Variants in ASIC2 observed in about 807,000 individuals in gnomAD.
The protein encoded by ASIC2 is acid-sensing ion channel 2.
Under a neutral mutation model 57.3 loss-of-function variants are expected in ASIC2, and 25 were observed. That is an observed-to-expected ratio of 0.44 (90% CI 0.32 to 0.61). ASIC2 has a LOEUF of 0.61. ASIC2 is among the 20% of genes least tolerant of loss of function. The probability of loss-of-function intolerance (pLI) is 0.06; values close to 1 mark genes in which losing one functional copy is unlikely to be tolerated. For synonymous variants in ASIC2, 319 were observed against 307.5 expected (o/e 1.04, Z -0.39); for missense variants, 641 against 738.1 (o/e 0.87, Z 1.52).
At chr17:33,888,994 C>T (rs8069604) in intron 1 of ASIC2, among the ~76,000 whole-genome samples, 25,894 of 152,054 alleles carry the variant, frequency 0.17, 2,342 homozygotes, top group African/African-American at 0.24. Context: ...TAAGAAGAGA[C>T]TCAGCAACTG....
Position 33,138,465 on chromosome 17 carries a change from A to G in ASIC2, c.709-26398T>C, listed in dbSNP as rs771662394. Among the ~76,000 whole-genome samples, 78 of 152,356 alleles carry G rather than the reference A, an allele frequency of 5.1e-4. 1 individual carries two copies. The highest frequency in any genetic ancestry group is 1.5e-3 in the Admixed American group (23 of 15,306). ...GCAATTTAAGAGCAGGGCATGAATC[A>G]GAACACACATCCCTTGCTCACTATT... On this transcript the variant is annotated intron_variant, in intron 1 of 9. Coordinates refer to ENST00000225823, the MANE Select transcript of ASIC2 (RefSeq NM_183377.2).
chr17:33,170,146 T>A (rs1254058928), intron 1 of ASIC2, among the ~76,000 whole-genome samples: 1 of 152,232 alleles, frequency 6.6e-6, no homozygotes, highest in Non-Finnish European at 1.5e-5. Flanking sequence ...GCCATCCTTT[T>A]GGTAAATTTT....
chr17:33,952,113 A>G (rs1567766877), intron 1 of ASIC2, among the ~76,000 whole-genome samples: 1 of 152,230 alleles, frequency 6.6e-6, no homozygotes, highest in Non-Finnish European at 1.5e-5. Context: ...ATTGCTTTCA[A>G]CTGGGAGAGA....
At chr17:33,781,435 A>T (rs1266522414) in intron 1 of ASIC2, among the ~76,000 whole-genome samples, 1 of 152,176 alleles carries the variant, frequency 6.6e-6, no homozygotes, top group Non-Finnish European at 1.5e-5. Flanking sequence ...ACAGCGCAGG[A>T]TGATGGAGTG....
At chr17:33,339,807 G>A (rs531719011) in intron 1 of ASIC2, among the ~76,000 whole-genome samples, 27 of 152,252 alleles carry the variant, frequency 1.8e-4, no homozygotes, top group African/African-American at 2.9e-4. Flanking sequence ...CTTTTTAGTT[G>A]CAGCAAAAAG....
chr17:33,925,054 G>T (rs1458209082), intron 1 of ASIC2, among the ~76,000 whole-genome samples: 3 of 152,236 alleles, frequency 2.0e-5, no homozygotes, highest in Non-Finnish European at 2.9e-5. Flanking sequence ...CCAGGGCTGG[G>T]CTTCCTGCCT....
intron 1 of ASIC2, among the ~76,000 whole-genome samples, chr17:33,147,601 C>T (rs897499969): frequency 2.6e-5 from 4 of 151,994 alleles, no homozygotes; most frequent in Admixed American, 6.6e-5. Context: ...AGAGGGACTA[C>T]GGTGCAGCAG....
intron 8 of ASIC2, among the ~76,000 whole-genome samples, chr17:33,017,373 G>C (rs2091812094): frequency 6.6e-6 from 1 of 151,504 alleles, no homozygotes; most frequent in Non-Finnish European, 1.5e-5. Flanking sequence ...TGCTGTTCCA[G>C]CTCCCAGAGG....
intron 1 of ASIC2, among the ~76,000 whole-genome samples, chr17:33,166,358 G>T (rs1195210866): frequency 6.6e-6 from 1 of 152,064 alleles, no homozygotes; most frequent in Non-Finnish European, 1.5e-5. Context: ...GCTCATTGTT[G>T]GGGGGAGAAA....
rs922425452 is a variant in ASIC2 at position 33,293,208 on chromosome 17, C to A, written c.-1093G>T. On this transcript the variant is annotated 5_prime_UTR_variant, in exon 1 of 10. Coordinates refer to ENST00000225823, the MANE Select transcript of ASIC2 (RefSeq NM_183377.2). Reference sequence around the variant, plus strand: ...GTTGCCCGGGAGAACCCTCTTTGGGCCCCAGGCGAACTTGGGCAGCGGCCG... The same window carrying A: ...GTTGCCCGGGAGAACCCTCTTTGGGACCCAGGCGAACTTGGGCAGCGGCCG... Among the ~76,000 whole-genome samples the A allele has an allele frequency of 3.9e-5, 6 of 152,124 alleles. No homozygotes were observed. Among genetic ancestry groups the A allele is most frequent in the Non-Finnish European group, 8.8e-5 (6 of 68,018 alleles).
At chr17:33,251,340 T>A (rs1287452956) in intron 1 of ASIC2, among the ~76,000 whole-genome samples, 1 of 152,164 alleles carries the variant, frequency 6.6e-6, no homozygotes, top group Non-Finnish European at 1.5e-5. Flanking sequence ...TCTTATTTAT[T>A]TATTTTTGAG....
At chr17:33,205,120 C>T (rs1907012962) in intron 1 of ASIC2, among the ~76,000 whole-genome samples, 1 of 152,252 alleles carries the variant, frequency 6.6e-6, no homozygotes, top group Non-Finnish European at 1.5e-5. Flanking sequence ...CTAAACCTTG[C>T]TCTGTGGAGT....
chr17:33,492,206 T>C (rs1284666147), intron 1 of ASIC2, among the ~76,000 whole-genome samples: 1 of 152,220 alleles, frequency 6.6e-6, no homozygotes. Context: ...TGGGAATTCA[T>C]TTAATCTGCA....
intron 1 of ASIC2, among the ~76,000 whole-genome samples, chr17:33,503,431 GC>G (rs1459926279): frequency 6.6e-6 from 1 of 152,148 alleles, no homozygotes; most frequent in Non-Finnish European, 1.5e-5. Flanking sequence ...TCCTCAGGCA[GC>G]AGTGAGTGAA....
chr17:33,675,313 A>G (rs16968736), intron 1 of ASIC2, among the ~76,000 whole-genome samples: 7,596 of 152,160 alleles, frequency 0.05, 484 homozygotes, highest in African/African-American at 0.15. Context: ...AGTGTGTTGT[A>G]GGAATGTGAG....
At chr17:33,043,740 A>G (rs996904600) in intron 3 of ASIC2, among the ~76,000 whole-genome samples, 1 of 152,208 alleles carries the variant, frequency 6.6e-6, no homozygotes, top group African/African-American at 2.4e-5. Flanking sequence ...AACAGTAACC[A>G]CAACCTGCCT....
intron 1 of ASIC2, among the ~76,000 whole-genome samples, chr17:34,117,598 A>G (rs1911465664): frequency 6.6e-6 from 1 of 152,138 alleles, no homozygotes; most frequent in Non-Finnish European, 1.5e-5. Flanking sequence ...AGTTAAAGAG[A>G]CGTGACTGCA....
At chr17:33,048,540 G>A (rs970958394) in intron 3 of ASIC2, among the ~76,000 whole-genome samples, 1 of 152,194 alleles carries the variant, frequency 6.6e-6, no homozygotes, top group Non-Finnish European at 1.5e-5. Flanking sequence ...GGCCTTGTAT[G>A]TCCTAATGCA....
chr17:33,023,036 TG>T (rs2091843669), intron 6 of ASIC2, among the ~76,000 whole-genome samples: 1 of 152,184 alleles, frequency 6.6e-6, no homozygotes, highest in Non-Finnish European at 1.5e-5. Context: ...CCCAAAGCAT[TG>T]GGATTACAGG....
Sources: allele counts gnomAD v4.1 joint callset (sites outside exome capture counted in the v4.1 genomes callset), GRCh38; gene constraint gnomAD v4.1.1; transcripts MANE v1.5; gene names NCBI Gene and HGNC (gene_info 2026-07-23, HGNC 2026-07-21).